Variants in GDPGP1 observed in about 807,000 individuals in gnomAD.
GDPGP1 encodes GDP-D-glucose phosphorylase C15orf58.
Under a neutral mutation model 19.2 loss-of-function variants are expected in GDPGP1, and 18 were observed. The observed-to-expected ratio is 0.94, with a 90% CI of 0.65 to 1.39. GDPGP1 has a LOEUF of 1.39. GDPGP1 is among the 40% of genes most tolerant of loss of function. The pLI, the probability that GDPGP1 is intolerant of heterozygous loss-of-function variation, is 0.00. For synonymous variants in GDPGP1, 219 were observed against 208.9 expected, an observed-to-expected ratio of 1.05 and a Z score of -0.42; for missense variants, 449 against 490.5, an observed-to-expected ratio of 0.92 and a Z score of 0.80.
intron 2 of GDPGP1, chr15:90,235,989 T>G (rs1420505655): frequency 6.6e-6 from 1 of 152,212 alleles, no homozygotes; most frequent in African/African-American, 2.4e-5. Flanking sequence ...TAGACCTTGT[T>G]TGCCTCTTAC....
rs1596173965 is a variant in GDPGP1, at chr15:90,234,279, C to A, written c.-155C>A. 5.4e-6 allele frequency: 1 copy of A among 184,620 alleles called. No individual in the cohort carries two copies. Among genetic ancestry groups the A allele is most frequent in the African/African-American group, 2.3e-5 (1 of 42,714 alleles). The allele number at this position is 184,620 out of a possible 1,614,324, so 11.4% of individuals were successfully genotyped here. ...CTGCGGGGAAAGTCGCGAGGTGCAT[C>A]CGCTTCGGCTGCAGTAGGTGGTGGC... On this transcript the variant is annotated 5_prime_UTR_variant, in exon 1 of 4. Transcript: ENST00000329600.
Position 90,244,805 on chromosome 15 carries a change from C to CTCAAAATATTT in GDPGP1, c.*2739_*2740insTCAAAATATTT, listed in dbSNP as rs1962832231. On this transcript the variant is annotated 3_prime_UTR_variant, in exon 4 of 4. Transcript: ENST00000329600. ...CTGTACTCCAGCCTGGGCGATAGTG[C>CTCAAAATATTT]GAGACTCAGTCTCAAAATAAATAAA... is the stretch of plus-strand genomic sequence containing the variant. 1 of 151,996 alleles carries CTCAAAATATTT rather than the reference C, an allele frequency of 6.6e-6. No homozygotes were observed. The highest frequency in any genetic ancestry group is 1.5e-5 in the Non-Finnish European group (1 of 68,014). The allele number at this position is 151,996 out of a possible 1,614,324, so 9.4% of individuals were successfully genotyped here.
intron 3 of GDPGP1, among the ~76,000 whole-genome samples, chr15:90,238,966 A>G (rs1274564143): frequency 6.6e-6 from 1 of 152,216 alleles, no homozygotes; most frequent in Non-Finnish European, 1.5e-5. Flanking sequence ...AACCTGAGCC[A>G]TGGACCTACT....
At position 90,244,258 on chromosome 15, in the gene GDPGP1, T is replaced by A. The variant is rs948890973; in HGVS notation, c.*2192T>A. On this transcript the variant is annotated 3_prime_UTR_variant, in exon 4 of 4. Coordinates refer to ENST00000329600, the MANE Select transcript of GDPGP1 (RefSeq NM_001013657.3). ...CTTAACAGTTTGCCCTCCCTGAGCC[T>A]CAGCCATCCCTCTTGGGGTCTTTCC... 1.3e-5 allele frequency: 2 copies of A among 152,274 alleles called. No homozygotes were observed. The highest frequency in any genetic ancestry group is 4.8e-5 in the African/African-American group (2 of 41,464). The allele number at this position is 152,274 out of a possible 1,614,324, so 9.4% of individuals were successfully genotyped here.
At position 90,245,643 on chromosome 15, in the gene GDPGP1, C is replaced by G. The variant is rs550684986; in HGVS notation, c.*3577C>G. On this transcript the variant is annotated 3_prime_UTR_variant, in exon 4 of 4. Transcript: ENST00000329600. The stretch of plus-strand genomic sequence containing the variant: ...GCTTGCTTGCTCTCTGAAGGGAGTT[C>G]GGATGACCATTACAGCAAAGTGGAT... 6.6e-6 allele frequency: 1 copy of G among 152,040 alleles called. No individual in the cohort carries two copies. Among genetic ancestry groups the G allele is most frequent in the South Asian group, 2.1e-4 (1 of 4,830 alleles). 9.4% of individuals were successfully genotyped at this position (152,040 alleles called of 1,614,324 possible).
In GDPGP1 at chr15:90,242,042, C is replaced by G. The variant is rs758897813; in HGVS notation, c.1134C>G (p.Ala378=). 1.9e-6 allele frequency: 3 copies of G among 1,608,760 alleles called. No homozygotes were observed. Among genetic ancestry groups the G allele is most frequent in the Non-Finnish European group, 2.5e-6 (3 of 1,177,444 alleles). The stretch of plus-strand genomic sequence containing the variant: ...AAGACGTACAGGCAGCACTGGTGGC[C>G]CTGATGTCCCAGGAAGAGCAATAAT... The part of the protein sequence containing the change: ...QAEDVQAALV[A]LMSQEEQ Residue 378 remains alanine (A), a synonymous_variant, in exon 4 of 4, where the codon GCC becomes GCG. Coordinates refer to ENST00000329600, the MANE Select transcript of GDPGP1 (RefSeq NM_001013657.3).
chr15:90,235,668 C>T (rs927144157), intron 2 of GDPGP1, among the ~76,000 whole-genome samples: 6 of 150,650 alleles, frequency 4.0e-5, no homozygotes, highest in African/African-American at 9.7e-5. Flanking sequence ...CCTGGGTTCA[C>T]GCCATTCTTC....
At chr15:90,239,990 G>A (rs1303161077) in intron 3 of GDPGP1, among the ~76,000 whole-genome samples, 4 of 152,166 alleles carry the variant, frequency 2.6e-5, no homozygotes, top group South Asian at 2.1e-4. Context: ...TTGGGAAGCC[G>A]AGGTGGGTGG....
chr15:90,241,255 G>A lies in GDPGP1; in HGVS notation c.347G>A (p.Arg116Lys). The A allele has an allele frequency of 1.2e-6, 2 of 1,614,204 alleles. No individual in the cohort carries two copies. Among genetic ancestry groups the A allele is most frequent in the South Asian group, 1.1e-5 (1 of 91,084 alleles). Residue 116 changes from arginine to lysine, a missense_variant, in exon 4 of 4, where the codon AGG becomes AAG. Transcript: ENST00000329600. ...RRPPQTIKSV[R>K]QAFDPVQFNF... ...CCCCCGCAGACCATCAAGAGTGTGA[G>A]GCAGGCATTTGACCCTGTACAGTTC...
chr15:90,240,430 C>T (rs990321166), intron 3 of GDPGP1, among the ~76,000 whole-genome samples: 5 of 152,030 alleles, frequency 3.3e-5, no homozygotes, highest in Non-Finnish European at 7.4e-5. Flanking sequence ...ATCACTTGAA[C>T]CCAGGAGGTG....
chr15:90,242,119 C>T lies in GDPGP1; in HGVS notation c.*53C>T. On this transcript the variant is annotated 3_prime_UTR_variant, in exon 4 of 4. Coordinates refer to ENST00000329600, the MANE Select transcript of GDPGP1 (RefSeq NM_001013657.3). ...TTTCTTTTCTTTTGAGATAGGGTCT[C>T]ACTCTGTCCCCAGGCTAGAGTGTAG... The T allele has an allele frequency of 4.2e-6, 6 of 1,427,366 alleles. No homozygotes were observed. Among genetic ancestry groups the T allele is most frequent in the Non-Finnish European group, 5.7e-6 (6 of 1,046,776 alleles). 88.4% of individuals were successfully genotyped at this position (1,427,366 alleles called of 1,614,324 possible). A position where few individuals can be genotyped will look rare whatever the true frequency, so the allele number is the denominator to read the frequency against.
intron 2 of GDPGP1, among the ~76,000 whole-genome samples, chr15:90,236,459 A>G (rs1375914045): frequency 2.0e-5 from 3 of 152,202 alleles, no homozygotes; most frequent in Admixed American, 2.0e-4. Context: ...TTTGGTTTTC[A>G]TTTTGCTTCC....
In GDPGP1 at chr15:90,243,547, A is replaced by C. The variant is rs575798939; in HGVS notation, c.*1481A>C. ...TTTTTTGTAGAGATAGGGTCTTGCT[A>C]TGTTGCCCGGGTTGCTGTCAAACTC... is the stretch of plus-strand genomic sequence containing the variant. On this transcript the variant is annotated 3_prime_UTR_variant, in exon 4 of 4. Transcript: ENST00000329600. 1 of 147,384 alleles carries C rather than the reference A, an allele frequency of 6.8e-6. No homozygotes were observed. The highest frequency in any genetic ancestry group is 1.5e-5 in the Non-Finnish European group (1 of 67,496). 9.1% of individuals were successfully genotyped at this position (147,384 alleles called of 1,614,324 possible). A position where few individuals can be genotyped will look rare whatever the true frequency, so the allele number is the denominator to read the frequency against.
Position 90,243,754 on chromosome 15 carries a change from A to G in GDPGP1, c.*1688A>G, listed in dbSNP as rs7173922. 0.28 allele frequency: 41,632 copies of G among 146,178 alleles called. 6,674 individuals carry two copies. The highest frequency in any genetic ancestry group is 0.69 in the East Asian group (3,468 of 4,998). The allele number at this position is 146,178 out of a possible 1,614,324, so 9.1% of individuals were successfully genotyped here. On this transcript the variant is annotated 3_prime_UTR_variant, in exon 4 of 4. Transcript: ENST00000329600. Reference sequence around the variant, plus strand: ...AGCTTCAACCTCCTGGGCTCAAACAATACTCCCATCTCAGCCTCCCTAGTA... The same window carrying G: ...AGCTTCAACCTCCTGGGCTCAAACAGTACTCCCATCTCAGCCTCCCTAGTA...
At chr15:90,239,297 G>A (rs1962700088) in intron 3 of GDPGP1, among the ~76,000 whole-genome samples, 1 of 141,456 alleles carries the variant, frequency 7.1e-6, no homozygotes, top group Admixed American at 7.4e-5. Context: ...ATCTATATGA[G>A]ACATAAAATG....
Position 90,241,568 on chromosome 15 carries a change from T to C in GDPGP1, c.660T>C (p.His220=). The change falls in exon 4 of 4, where the codon CAT becomes CAC. Residue 220 remains histidine, a synonymous_variant. Transcript: ENST00000329600. ...CCTCGGTGAACCACCTCCACCTGCA[T>C]GGCTATTACCTGGCCCACAGACTGC... ...GLASVNHLHL[H]GYYLAHRLPV... is the part of the protein sequence containing the mutation. 1.2e-6 allele frequency: 2 copies of C among 1,613,390 alleles called. No homozygotes were observed. Among genetic ancestry groups the C allele is most frequent in the Non-Finnish European group, 1.7e-6 (2 of 1,180,032 alleles).
At position 90,242,610 on chromosome 15, in the gene GDPGP1, A is replaced by C. The variant is rs1014291832; in HGVS notation, c.*544A>C. Reference sequence around the variant, plus strand: ...CAGGCTCCTGCCACCAAACCCGGCTAATTTTTTTGTATTTTTAAAAGAGAA... The same window carrying C: ...CAGGCTCCTGCCACCAAACCCGGCTCATTTTTTTGTATTTTTAAAAGAGAA... On this transcript the variant is annotated 3_prime_UTR_variant, in exon 4 of 4. Coordinates refer to ENST00000329600, the MANE Select transcript of GDPGP1 (RefSeq NM_001013657.3). The C allele has an allele frequency of 6.6e-6, 1 of 150,502 alleles. No individual in the cohort carries two copies. The allele number at this position is 150,502 out of a possible 1,614,324, so 9.3% of individuals were successfully genotyped here.
At chr15:90,234,783 C>T (rs1962596863) in intron 2 of GDPGP1, among the ~76,000 whole-genome samples, 187 bp downstream of exon 2, 1 of 152,170 alleles carries the variant, frequency 6.6e-6, no homozygotes, top group Non-Finnish European at 1.5e-5. Context: ...GACTGCTGAC[C>T]CTTTGCTCTT....
At chr15:90,239,305 A>ATGTGTGTGTGTGTGTGTGTGTGTGTG (rs4031525) in intron 3 of GDPGP1, among the ~76,000 whole-genome samples, 1 of 147,874 alleles carries the variant, frequency 6.8e-6, no homozygotes, top group African/African-American at 2.5e-5. Flanking sequence ...GAGACATAAA[A>ATGTGTGTGTGTGTGTGTGTGTGTGTG]TGTGTGTGTG....
Sources: allele counts gnomAD v4.1 joint callset (sites outside exome capture counted in the v4.1 genomes callset), GRCh38; gene constraint gnomAD v4.1.1; transcripts MANE v1.5; gene names NCBI Gene and HGNC (gene_info 2026-07-23, HGNC 2026-07-21).